The following FGF14 variants were observed in gnomAD, a reference collection of about 807,000 sequenced individuals.
The protein encoded by FGF14 is fibroblast growth factor homologous factor 4.
In FGF14, 5 loss-of-function variants were observed where a neutral mutation model predicts 25.5. The ratio of observed to expected loss-of-function variants is 0.20; its 90% CI spans 0.10 to 0.41. The LOEUF (loss-of-function observed/expected upper bound fraction) is 0.41, where lower values mean the gene tolerates loss of function less well. Among genes scored for constraint, FGF14 ranks in the 10% least tolerant of loss-of-function variants. The pLI, the probability that FGF14 is intolerant of heterozygous loss-of-function variation, is 1.00. For missense variants in FGF14, 222 were observed against 320.1 expected (o/e 0.69, Z 2.34); for synonymous variants, 138 against 118.3 (o/e 1.17, Z -1.08).
intron 1 of FGF14, among the ~76,000 whole-genome samples, chr13:102,090,936 C>T (rs1326212392): frequency 6.6e-6 from 1 of 152,172 alleles, no homozygotes; most frequent in Non-Finnish European, 1.5e-5. Context: ...CTTAGTGGCT[C>T]TCAGTTCTAT....
intron 1 of FGF14, among the ~76,000 whole-genome samples, chr13:102,277,152 G>A (rs986843970): frequency 1.3e-5 from 2 of 152,208 alleles, no homozygotes; most frequent in Non-Finnish European, 2.9e-5. Context: ...ACAGATGCCA[G>A]AGATTGTGGT....
At position 101,860,303 on chromosome 13, in the gene FGF14, G is replaced by A. The variant is rs1016670623; in HGVS notation, c.408+8422C>T. 3.3e-5 allele frequency among the ~76,000 whole-genome samples: 5 copies of A among 152,152 alleles called. No homozygotes were observed. In the East Asian group the frequency reaches 9.7e-4, roughly 29 times the overall value. ...TTGTCCTTTTCTTCCCACAGACTAA[G>A]AGGAGTGACCACAACCAGAAGTTTT... On this transcript the variant is annotated intron_variant, in intron 3 of 4. Coordinates refer to ENST00000376143, the MANE Select transcript of FGF14 (RefSeq NM_004115.4).
At chr13:102,268,215 A>C (rs1412391528) in intron 1 of FGF14, among the ~76,000 whole-genome samples, 2 of 152,186 alleles carry the variant, frequency 1.3e-5, no homozygotes, top group Non-Finnish European at 2.9e-5. Context: ...ACATAAGTCC[A>C]AGCACATTGC....
intron 1 of FGF14, among the ~76,000 whole-genome samples, chr13:102,251,659 G>A (rs1267850970): frequency 6.6e-6 from 1 of 152,122 alleles, no homozygotes; most frequent in Non-Finnish European, 1.5e-5. Flanking sequence ...GCTATGCTCT[G>A]CACAATCAGA....
chr13:102,279,224 A>T (rs1194206852), intron 1 of FGF14, among the ~76,000 whole-genome samples: 2 of 151,284 alleles, frequency 1.3e-5, no homozygotes, highest in African/African-American at 2.5e-5. Context: ...GATAGATTTA[A>T]TAAGGTTTAT....
chr13:102,183,906 G>A (rs1196154156), intron 1 of FGF14, among the ~76,000 whole-genome samples: 1 of 152,166 alleles, frequency 6.6e-6, no homozygotes, highest in Non-Finnish European at 1.5e-5. Flanking sequence ...TTGCTGTGAG[G>A]ACTGACCAGG....
intron 1 of FGF14, among the ~76,000 whole-genome samples, chr13:102,346,259 T>C (rs2057102835): frequency 6.6e-6 from 1 of 152,156 alleles, no homozygotes; most frequent in Non-Finnish European, 1.5e-5. Flanking sequence ...ATTCATAAAA[T>C]GAAATACTAT....
At chr13:102,249,278 A>T (rs998553310) in intron 1 of FGF14, among the ~76,000 whole-genome samples, 1 of 152,202 alleles carries the variant, frequency 6.6e-6, no homozygotes, top group Non-Finnish European at 1.5e-5. Flanking sequence ...AGAACTTGTT[A>T]AAAAAGTAGA....
In FGF14 at chr13:101,717,365, G is replaced by A. The variant is rs1284965310; in HGVS notation, c.*5466C>T. On this transcript the variant is annotated 3_prime_UTR_variant, in exon 5 of 5. Transcript: ENST00000376143. The stretch of plus-strand genomic sequence containing the variant: ...AACCATGTTGTAGTTCTATTATTGA[G>A]TACGTAAATTGATAGATCTCTTCCG... 3 of 152,042 alleles carry A rather than the reference G, an allele frequency of 2.0e-5. No homozygotes were observed. Among genetic ancestry groups the A allele is most frequent in the Non-Finnish European group, 4.4e-5 (3 of 68,006 alleles). The allele number at this position is 152,042 out of a possible 1,614,324, so 9.4% of individuals were successfully genotyped here.
At chr13:101,726,935 C>A in intron 3 of FGF14, 125 bp from the exon 4 acceptor site, 1 of 672,068 alleles carries the variant, frequency 1.5e-6, no homozygotes, top group Non-Finnish European at 2.6e-6. Flanking sequence ...ACCGGATATA[C>A]CCCTTCCTGC....
chr13:102,215,707 G>C (rs1020637454), intron 1 of FGF14, among the ~76,000 whole-genome samples: 1 of 152,110 alleles, frequency 6.6e-6, no homozygotes, highest in African/African-American at 2.4e-5. Flanking sequence ...ATATAATTCT[G>C]ATTAGAACAT....
At chr13:101,778,082 A>G (rs1423767892) in intron 3 of FGF14, among the ~76,000 whole-genome samples, 2 of 152,182 alleles carry the variant, frequency 1.3e-5, no homozygotes, top group Non-Finnish European at 2.9e-5. Context: ...GTGCCTGGTA[A>G]ATCAAATGTC....
At chr13:101,879,421 G>T (rs773485071) in intron 1 of FGF14, among the ~76,000 whole-genome samples, 1 of 152,042 alleles carries the variant, frequency 6.6e-6, no homozygotes, top group Non-Finnish European at 1.5e-5. Context: ...AAATCAGTCC[G>T]ACTGCCTTCA....
chr13:101,850,161 C>T (rs1406516905), intron 3 of FGF14, among the ~76,000 whole-genome samples: 5 of 150,612 alleles, frequency 3.3e-5, no homozygotes, highest in African/African-American at 1.2e-4. Context: ...TGGCCAGGCA[C>T]GCTGGCTCAC....
chr13:102,087,099 C>A (rs1429612811), intron 1 of FGF14, among the ~76,000 whole-genome samples: 1 of 152,144 alleles, frequency 6.6e-6, no homozygotes, highest in Non-Finnish European at 1.5e-5. Flanking sequence ...AAAAATAATC[C>A]TGCCATAATG....
intron 1 of FGF14, among the ~76,000 whole-genome samples, chr13:102,387,196 A>C (rs1432981371): frequency 6.6e-6 from 1 of 152,254 alleles, no homozygotes; most frequent in Non-Finnish European, 1.5e-5. Context: ...TCATTTTCAC[A>C]AAAGTTACCT....
chr13:102,088,480 C>T (rs982094633), intron 1 of FGF14, among the ~76,000 whole-genome samples: 1 of 151,976 alleles, frequency 6.6e-6, no homozygotes, highest in Admixed American at 6.5e-5. Context: ...TAATTAAGTA[C>T]ACCAAATGCA....
At chr13:101,961,489 G>T (rs1232062096) in intron 1 of FGF14, among the ~76,000 whole-genome samples, 1 of 152,160 alleles carries the variant, frequency 6.6e-6, no homozygotes, top group Non-Finnish European at 1.5e-5. Context: ...TTGAAGATCA[G>T]GTGGTTGTAG....
At chr13:101,830,995 G>A (rs2042642986) in intron 3 of FGF14, among the ~76,000 whole-genome samples, 1 of 151,888 alleles carries the variant, frequency 6.6e-6, no homozygotes, top group Non-Finnish European at 1.5e-5. Flanking sequence ...ATTATATCTG[G>A]TCCACCTGCA....
Sources: gnomAD v4.1 joint callset for allele counts (sites outside exome capture counted in the v4.1 genomes callset) on GRCh38, gnomAD v4.1.1 for gene constraint, MANE v1.5 for transcripts, NCBI Gene and HGNC (gene_info 2026-07-23, HGNC 2026-07-21) for gene names.